Variants in ITSN1 observed in about 807,000 individuals in gnomAD.
The protein encoded by ITSN1 is intersectin-1.
Under a neutral mutation model 239.8 loss-of-function variants are expected in ITSN1, and 58 were observed. The observed-to-expected ratio is 0.24, with a 90% CI of 0.20 to 0.30. ITSN1 has a LOEUF of 0.30. ITSN1 is among the 10% of genes least tolerant of loss of function. ITSN1 has a pLI of 1.00. For synonymous variants in ITSN1, 780 were observed against 770.8 expected (o/e 1.01, Z -0.20); for missense variants, 1,558 against 2,103.3 (o/e 0.74, Z 5.07).
chr21:33,772,034 C>T (rs757890839), intron 11 of ITSN1, 27 bp from the exon 12 acceptor site: 3 of 1,602,966 alleles, frequency 1.9e-6, no homozygotes. Context: ...CTTGAGTTTT[C>T]ATAGTTGCTG....
chr21:33,860,425 A>T (rs1041545451), intron 31 of ITSN1, among the ~76,000 whole-genome samples: 2 of 152,164 alleles, frequency 1.3e-5, no homozygotes, highest in African/African-American at 2.4e-5. Context: ...GAGCTTCCCA[A>T]GTAGCCCTTA....
chr21:33,644,484 A>G lies in ITSN1; in HGVS notation c.-33+1771A>G, dbSNP rs74560799. On this transcript the variant is annotated intron_variant, in intron 1 of 39. Coordinates refer to ENST00000381318, the MANE Select transcript of ITSN1 (RefSeq NM_003024.3). ...GCTTCTGTTGAAATTGCTACGGCGC[A>G]TGGTACCGTCACAAAACTCTTTTAT... 7.3e-3 allele frequency among the ~76,000 whole-genome samples: 1,114 copies of G among 152,270 alleles called. 10 individuals are homozygous for G. Among genetic ancestry groups the G allele is most frequent in the African/African-American group, 0.025 (1,054 of 41,538 alleles).
intron 1 of ITSN1, among the ~76,000 whole-genome samples, chr21:33,656,520 A>G (rs1482442649): frequency 6.6e-6 from 1 of 152,124 alleles, no homozygotes; most frequent in Admixed American, 6.5e-5. Flanking sequence ...ATTCTGTTCA[A>G]GTGTGTAGCC....
At chr21:33,833,872 A>G (rs1172289560) in intron 27 of ITSN1, among the ~76,000 whole-genome samples, 1 of 132,856 alleles carries the variant, frequency 7.5e-6, no homozygotes, top group African/African-American at 3.2e-5. Flanking sequence ...ACTCCGTCTC[A>G]AAAAAAAAAA....
chr21:33,670,042 A>G (rs1431942711), intron 1 of ITSN1, among the ~76,000 whole-genome samples: 1 of 152,142 alleles, frequency 6.6e-6, no homozygotes. Context: ...TTTTTCCATT[A>G]GAGCAGTAGT....
Position 33,865,232 on chromosome 21 carries a change from G to A in ITSN1, c.3972G>A (p.Pro1324=), listed in dbSNP as rs369172359. 591 of 1,613,282 alleles carry A rather than the reference G, an allele frequency of 3.7e-4. 1 individual carries two copies. Among genetic ancestry groups the A allele is most frequent in the Non-Finnish European group, 4.7e-4 (550 of 1,179,772 alleles). Residue 1324 remains proline (P), a synonymous_variant, in exon 32 of 40, where the codon CCG becomes CCA. Transcript: ENST00000381318. This position sits in a 1 kb window ranked among gnomAD's most constrained non-coding sequence, Gnocchi z 4.4. ...MIGDILSAQL[P]HMQPYIRFCS... The stretch of plus-strand genomic sequence containing the variant: ...GAGACATCCTGAGCGCACAGCTGCC[G>A]CACATGCAGCCCTACATCCGCTTCT...
intron 10 of ITSN1, 107 bp downstream of exon 10, chr21:33,766,119 C>CT (rs776868658): frequency 1.6e-6 from 2 of 1,214,868 alleles, no homozygotes; most frequent in African/African-American, 1.5e-5. Flanking sequence ...GACAAGGAAA[C>CT]TAAGTATCCG....
intron 7 of ITSN1, 102 bp downstream of exon 7, chr21:33,752,008 T>C: frequency 1.2e-6 from 1 of 811,284 alleles, no homozygotes; most frequent in Non-Finnish European, 2.0e-6. Context: ...GTTGTTGTCA[T>C]CTTTTTTGTA....
At chr21:33,850,617 G>A (rs1197840240) in intron 29 of ITSN1, among the ~76,000 whole-genome samples, 2 of 152,180 alleles carry the variant, frequency 1.3e-5, no homozygotes, top group African/African-American at 2.4e-5. Flanking sequence ...ACTGAACCCC[G>A]GGGCCGAGCG....
At chr21:33,753,687 A>T (rs1431812015) in intron 7 of ITSN1, among the ~76,000 whole-genome samples, 1 of 145,982 alleles carries the variant, frequency 6.9e-6, no homozygotes, top group African/African-American at 2.6e-5. Context: ...GCTTGAATCC[A>T]GGAGGTGGAG....
chr21:33,755,483 GTCTGTGTGCTTATT>G, intron 8 of ITSN1, 86 bp downstream of exon 8: 1 of 713,652 alleles, frequency 1.4e-6, no homozygotes, highest in Non-Finnish European at 2.3e-6. Context: ...TATTTTCCAT[GTCTGTGTGCTTATT>G]TCTTGGCAGT....
chr21:33,723,218 T>C (rs2065606225), intron 4 of ITSN1, among the ~76,000 whole-genome samples: 1 of 152,188 alleles, frequency 6.6e-6, no homozygotes, highest in African/African-American at 2.4e-5. Context: ...AGAGCCATGC[T>C]GAATTCTGTT....
At chr21:33,753,888 G>A (rs1208735078) in intron 7 of ITSN1, among the ~76,000 whole-genome samples, 1 of 151,324 alleles carries the variant, frequency 6.6e-6, no homozygotes, top group Non-Finnish European at 1.5e-5. Context: ...TGAACTATCA[G>A]TATTAGTGAA....
chr21:33,755,372 C>G lies in ITSN1; in HGVS notation c.699C>G (p.Asp233Glu), dbSNP rs1410446903. The G allele has an allele frequency of 6.3e-7, 1 of 1,599,244 alleles. No homozygotes were observed. The highest frequency in any genetic ancestry group is 8.6e-7 in the Non-Finnish European group (1 of 1,168,882). The change falls in exon 8 of 40, where the codon GAC becomes GAG. Residue 233 changes from aspartate (D) to glutamate (E), a missense_variant. Around this residue, in one of 2 missense-constraint regions of ITSN1, gnomAD observed 982 missense variants for 1,209.9 expected, o/e 0.81. Coordinates refer to ENST00000381318, the MANE Select transcript of ITSN1 (RefSeq NM_003024.3). ...ACAGGCAATTATTCAATAGTCATGA[C>G]AAAACTATGAGTGGACACTTAACAG... ...LKYRQLFNSH[D>E]KTMSGHLTGP...
intron 1 of ITSN1, among the ~76,000 whole-genome samples, chr21:33,706,143 C>T (rs1257462233): frequency 2.0e-5 from 3 of 152,178 alleles, no homozygotes; most frequent in Admixed American, 1.3e-4. Flanking sequence ...CCTCAGCCTC[C>T]CGAGTAGCTG....
At chr21:33,750,040 T>C in intron 5 of ITSN1, 103 bp from the exon 6 acceptor site, 1 of 1,071,104 alleles carries the variant, frequency 9.3e-7, no homozygotes, top group South Asian at 1.4e-5. Context: ...TGGAATATAT[T>C]ACAGCTGGAA....
intron 1 of ITSN1, among the ~76,000 whole-genome samples, chr21:33,713,906 C>T (rs1284409987): frequency 3.8e-5 from 5 of 131,020 alleles, no homozygotes; most frequent in Non-Finnish European, 7.7e-5. Flanking sequence ...GCTATCTCGG[C>T]TCACTGCAAC....
intron 1 of ITSN1, among the ~76,000 whole-genome samples, chr21:33,682,260 G>C (rs1352074575): frequency 1.3e-5 from 2 of 148,974 alleles, no homozygotes; most frequent in African/African-American, 2.5e-5. Flanking sequence ...TTGTTGCCCA[G>C]GCTGGAGTGC....
intron 27 of ITSN1, 136 bp from the exon 28 acceptor site, chr21:33,834,171 A>T (rs543521010): frequency 1.9e-5 from 12 of 637,924 alleles, no homozygotes; most frequent in Non-Finnish European, 3.3e-5. Flanking sequence ...GTGACATAGT[A>T]ATCCATAGAT....
Sources: allele counts gnomAD v4.1 joint callset (sites outside exome capture counted in the v4.1 genomes callset), GRCh38; gene constraint gnomAD v4.1.1; regional missense constraint gnomAD v4.1.1; non-coding constraint Gnocchi (gnomAD v3.1); transcripts MANE v1.5; gene names NCBI Gene and HGNC (gene_info 2026-07-23, HGNC 2026-07-21).